The following CD99 variants were observed in gnomAD, a reference collection of about 807,000 sequenced individuals.
The protein encoded by CD99 is CD99 molecule (Xg blood group), also known as CD99 antigen.
Under a neutral mutation model 28.4 loss-of-function variants are expected in CD99, and 19 were observed. The observed-to-expected ratio is 0.67, with a 90% CI of 0.47 to 0.98. The LOEUF (loss-of-function observed/expected upper bound fraction) is 0.98. CD99 is among the 50% of genes least tolerant of loss of function. The pLI, the probability that CD99 is intolerant of heterozygous loss-of-function variation, is 0.00. For missense variants in CD99, 283 were observed against 248.8 expected (o/e 1.14, Z -0.92); for synonymous variants, 103 against 92.1 (o/e 1.12, Z -0.67).
At chrX:2,701,845 T>A (rs188923230) in intron 1 of CD99, among the ~76,000 whole-genome samples, 41 of 152,236 alleles carry the variant, frequency 2.7e-4, no homozygotes, top group African/African-American at 4.3e-4. Context: ...CGTGGATAAG[T>A]CAGTGGAGAT....
At chrX:2,718,418 G>T (rs1381978163) in intron 3 of CD99, among the ~76,000 whole-genome samples, 4 of 151,440 alleles carry the variant, frequency 2.6e-5, no homozygotes, top group Admixed American at 2.0e-4. Context: ...GCCCAGGCTG[G>T]AGTGCAGTGG....
At chrX:2,737,620 G>A (rs1427289998) in intron 8 of CD99, among the ~76,000 whole-genome samples, 7 of 149,172 alleles carry the variant, frequency 4.7e-5, no homozygotes, top group African/African-American at 1.7e-4. Context: ...TCAGCCTCCC[G>A]AGTAGCTGGG....
intron 3 of CD99, chrX:2,717,958 TGA>T (rs1321233921): frequency 1.5e-4 from 36 of 246,782 alleles, no homozygotes; most frequent in Non-Finnish European, 2.1e-4. Context: ...TTTTTTTTTT[TGA>T]GATGGCGTTT....
chrX:2,717,903 G>T, intron 3 of CD99: 1 of 529,018 alleles, frequency 1.9e-6, no homozygotes, highest in Admixed American at 3.2e-5. Flanking sequence ...TTTATTCTAA[G>T]GGTCTGAGTT....
chrX:2,695,326 C>T, intron 1 of CD99, among the ~76,000 whole-genome samples: 1 of 152,202 alleles, frequency 6.6e-6, no homozygotes, highest in South Asian at 2.1e-4. Context: ...CTGCCTCAGC[C>T]TCCCAATTAG....
At chrX:2,716,991 T>G (rs1483986558) in intron 2 of CD99, among the ~76,000 whole-genome samples, 1 of 152,172 alleles carries the variant, frequency 6.6e-6, no homozygotes, top group Non-Finnish European at 1.5e-5. Context: ...GTTTTTCTCC[T>G]AACTTTGCCA....
At chrX:2,710,514 G>GTTTTT (rs759886806) in intron 1 of CD99, among the ~76,000 whole-genome samples, 66 of 150,018 alleles carry the variant, frequency 4.4e-4, no homozygotes, top group South Asian at 8.4e-4. Flanking sequence ...CACGTGTGGG[G>GTTTTT]TTTTTTTTTG....
intron 8 of CD99, among the ~76,000 whole-genome samples, chrX:2,736,296 C>T (rs1003966204): frequency 1.1e-4 from 16 of 151,822 alleles, no homozygotes; most frequent in African/African-American, 1.7e-4. Flanking sequence ...CAGATGGGGC[C>T]GTTTTACAAA....
At chrX:2,699,256 G>A (rs937994579) in intron 1 of CD99, among the ~76,000 whole-genome samples, 12 of 151,140 alleles carry the variant, frequency 7.9e-5, no homozygotes, top group African/African-American at 2.7e-4. Context: ...TGCAACTTCC[G>A]CCTCCCTGGT....
chrX:2,697,410 C>T (rs1385534960), intron 1 of CD99, among the ~76,000 whole-genome samples: 1 of 152,110 alleles, frequency 6.6e-6, no homozygotes, highest in Non-Finnish European at 1.5e-5. Flanking sequence ...GCTAACAGCC[C>T]TTCTTGAGGA....
intron 8 of CD99, among the ~76,000 whole-genome samples, chrX:2,729,986 C>G (rs1237547078): frequency 1.3e-5 from 2 of 152,012 alleles, no homozygotes; most frequent in African/African-American, 4.8e-5. Context: ...AACCTCATCT[C>G]TACAAAAAAT....
intron 1 of CD99, 37 bp downstream of exon 1, chrX:2,691,464 A>C (rs770676663): frequency 7.7e-6 from 12 of 1,561,120 alleles, no homozygotes; most frequent in Admixed American, 1.8e-5. Context: ...GGGGACGCGG[A>C]GGGCGCGGGC....
At chrX:2,738,921 T>C (rs2050074789) in intron 9 of CD99, among the ~76,000 whole-genome samples, 1 of 151,488 alleles carries the variant, frequency 6.6e-6, no homozygotes, top group East Asian at 2.0e-4. Context: ...GATCATAACT[T>C]ACTGCAGCCT....
At chrX:2,698,131 A>G (rs1168139786) in intron 1 of CD99, among the ~76,000 whole-genome samples, 1 of 151,308 alleles carries the variant, frequency 6.6e-6, no homozygotes, top group African/African-American at 2.4e-5. Context: ...GACACTCATC[A>G]TATCATAAAC....
chrX:2,719,474 A>T, intron 3 of CD99, 187 bp from the exon 4 acceptor site: 1 of 651,658 alleles, frequency 1.5e-6, no homozygotes, highest in Non-Finnish European at 2.8e-6. Context: ...TCCTCTTTTT[A>T]TCTGAGAGAA....
At chrX:2,722,771 G>A in intron 6 of CD99, 97 bp downstream of exon 6, 1 of 1,217,102 alleles carries the variant, frequency 8.2e-7, no homozygotes, top group South Asian at 1.2e-5. Flanking sequence ...TCAGCTCTCT[G>A]TGAACTCACA....
At chrX:2,713,655 C>T (rs1008166859) in intron 1 of CD99, among the ~76,000 whole-genome samples, 5 of 152,202 alleles carry the variant, frequency 3.3e-5, no homozygotes. Flanking sequence ...GTTCACAGGG[C>T]TCCTGCGGGT....
chrX:2,722,929 G>T (rs761562916), intron 6 of CD99, among the ~76,000 whole-genome samples: 1 of 152,210 alleles, frequency 6.6e-6, no homozygotes, highest in African/African-American at 2.4e-5. Context: ...GGGACAGGGC[G>T]TGATGAATGG....
At chrX:2,697,452 A>G (rs1001207974) in intron 1 of CD99, among the ~76,000 whole-genome samples, 1 of 152,136 alleles carries the variant, frequency 6.6e-6, no homozygotes, top group African/African-American at 2.4e-5. Flanking sequence ...TTCTGCAGGC[A>G]TTACTCATCA....
Sources: allele counts gnomAD v4.1 joint callset (sites outside exome capture counted in the v4.1 genomes callset), GRCh38; gene constraint gnomAD v4.1.1; transcripts MANE v1.5; gene names NCBI Gene and HGNC (gene_info 2026-07-23, HGNC 2026-07-21).